The following GAS7 variants were observed in gnomAD, a reference collection of about 807,000 sequenced individuals.
The protein encoded by GAS7 is growth arrest specific 7, also known as growth arrest-specific protein 7.
GAS7 carries 28 observed loss-of-function variants against 71.1 expected under a neutral mutation model. The observed-to-expected ratio is 0.39, with a 90% CI of 0.29 to 0.54. The LOEUF is 0.54. Ranked by LOEUF, GAS7 falls within the 20% of genes least tolerant of loss-of-function variation. The pLI, the probability that GAS7 is intolerant of heterozygous loss-of-function variation, is 0.62. For missense variants in GAS7, 436 were observed against 627.8 expected, an observed-to-expected ratio of 0.69 and a Z score of 3.27; for synonymous variants, 258 against 245.8, an observed-to-expected ratio of 1.05 and a Z score of -0.46.
At chr17:9,953,317 G>A (rs1211271072) in intron 5 of GAS7, among the ~76,000 whole-genome samples, 1 of 152,144 alleles carries the variant, frequency 6.6e-6, no homozygotes, top group Non-Finnish European at 1.5e-5. Flanking sequence ...TCACCCTGCT[G>A]CTTCTGCCAC....
intron 2 of GAS7, among the ~76,000 whole-genome samples, chr17:9,982,857 GAAA>G (rs745327706): frequency 6.7e-6 from 1 of 149,682 alleles, no homozygotes; most frequent in Non-Finnish European, 1.5e-5. Flanking sequence ...AAGAAAGAAA[GAAA>G]GAAAGAAAGC....
intron 1 of GAS7, among the ~76,000 whole-genome samples, chr17:10,091,044 C>T (rs2073576801): frequency 6.6e-6 from 1 of 152,140 alleles, no homozygotes; most frequent in African/African-American, 2.4e-5. Context: ...TCTCCTCCAC[C>T]CCTACCAAGG....
rs1431647720 is a variant in GAS7, at chr17:10,103,572, T to C, written c.184-83675A>G. ...CAGGCGCGATGGCTCCCACCTGTAA[T>C]CCCAGCACTTTGGGAGGCCGAGGTG... is the stretch of plus-strand genomic sequence containing the variant. On this transcript the variant is annotated intron_variant, in intron 1 of 13. Transcript: ENST00000432992. The surrounding 1 kb of genome is among the most constrained non-coding windows in gnomAD (Gnocchi z 5.5). Among the ~76,000 whole-genome samples the C allele has an allele frequency of 2.0e-5, 3 of 152,028 alleles. No individual in the cohort carries two copies. The highest frequency in any genetic ancestry group is 4.4e-5 in the Non-Finnish European group (3 of 68,020).
In GAS7 at chr17:10,037,233, T is replaced by C. The variant is rs114445441; in HGVS notation, c.184-17336A>G. ...GGCCTGAGGATCACAAAGTCATTAG[T>C]TACAAGTGGAGAAAGGATTGGACCC... On this transcript the variant is annotated intron_variant, in intron 1 of 13. Transcript: ENST00000432992. Among the ~76,000 whole-genome samples, 684 of 152,286 alleles carry C rather than the reference T, an allele frequency of 4.5e-3. 4 individuals are homozygous for C. Among genetic ancestry groups the C allele is most frequent in the African/African-American group, 0.016 (647 of 41,554 alleles).
At chr17:10,032,537 C>T (rs1383034866) in intron 1 of GAS7, among the ~76,000 whole-genome samples, 1 of 152,178 alleles carries the variant, frequency 6.6e-6, no homozygotes, top group Admixed American at 6.5e-5. Flanking sequence ...CCTCTGTTTC[C>T]TCATCTGTGA....
intron 1 of GAS7, among the ~76,000 whole-genome samples, chr17:10,067,684 A>G (rs774128677): frequency 2.6e-5 from 4 of 152,106 alleles, no homozygotes; most frequent in African/African-American, 9.7e-5. Flanking sequence ...CAAGCTAGGA[A>G]TGTCTGCAAA....
intron 5 of GAS7, 92 bp from the exon 6 acceptor site, chr17:9,947,075 C>G: frequency 1.3e-6 from 1 of 795,536 alleles, no homozygotes; most frequent in Non-Finnish European, 2.1e-6. Context: ...ACTGGAGCAG[C>G]CTCCCTATTG....
chr17:9,974,880 A>T lies in GAS7; in HGVS notation c.386-5118T>A, dbSNP rs1206703042. 6.6e-6 allele frequency among the ~76,000 whole-genome samples: 1 copy of T among 152,128 alleles called. No individual in the cohort carries two copies. Among genetic ancestry groups the T allele is most frequent in the Non-Finnish European group, 1.5e-5 (1 of 68,020 alleles). ...CACAGCTCGGCTTCCATATCTCAGTACCGATCCCTGAGGGAAAAAGTCGCA... is the reference window on the plus strand; with the variant it reads ...CACAGCTCGGCTTCCATATCTCAGTTCCGATCCCTGAGGGAAAAAGTCGCA... On this transcript the variant is annotated intron_variant, in intron 3 of 13. Transcript: ENST00000432992. The surrounding 1 kb of genome is among the most constrained non-coding windows in gnomAD (Gnocchi z 4.0).
chr17:10,091,333 A>C (rs1397854208), intron 1 of GAS7, among the ~76,000 whole-genome samples: 1 of 152,106 alleles, frequency 6.6e-6, no homozygotes, highest in Non-Finnish European at 1.5e-5. Context: ...GTTGTACAAC[A>C]TTGTGAATGT....
intron 1 of GAS7, among the ~76,000 whole-genome samples, chr17:10,133,983 G>A (rs767990765): frequency 1.2e-3 from 180 of 152,140 alleles, no homozygotes; most frequent in Non-Finnish European, 9.6e-4. Flanking sequence ...TTTTCTTTGA[G>A]CATCATGACA....
intron 4 of GAS7, among the ~76,000 whole-genome samples, chr17:9,968,787 C>T (rs2069829655): frequency 6.6e-6 from 1 of 152,212 alleles, no homozygotes; most frequent in South Asian, 2.1e-4. Flanking sequence ...ATAGAATCCA[C>T]TGCACACGCA....
chr17:10,122,082 CCATCAT>C (rs1333435554), intron 1 of GAS7, among the ~76,000 whole-genome samples: 1 of 152,180 alleles, frequency 6.6e-6, no homozygotes, highest in Non-Finnish European at 1.5e-5. Flanking sequence ...AGCATCAGCA[CCATCAT>C]CAACGAGATG....
At chr17:10,117,234 A>G (rs1158550667) in intron 1 of GAS7, among the ~76,000 whole-genome samples, 1 of 151,758 alleles carries the variant, frequency 6.6e-6, no homozygotes, top group African/African-American at 2.4e-5. Context: ...TTCCAACATC[A>G]CATCTCCTAA....
chr17:10,161,132 T>C (rs1340516014), intron 1 of GAS7, among the ~76,000 whole-genome samples: 2 of 152,204 alleles, frequency 1.3e-5, no homozygotes, highest in Non-Finnish European at 1.5e-5. Context: ...GCTAGCTTCA[T>C]TCTCAGGTGC....
At chr17:9,932,226 C>T (rs1450214001) in intron 9 of GAS7, among the ~76,000 whole-genome samples, 2 of 131,854 alleles carry the variant, frequency 1.5e-5, no homozygotes, top group African/African-American at 5.6e-5. Context: ...GACAGAGTCT[C>T]ACTCTGTTGC....
At position 10,026,308 on chromosome 17, in the gene GAS7, T is replaced by A; in HGVS notation, c.184-6411A>T. On this transcript the variant is annotated intron_variant, in intron 1 of 13. Coordinates refer to ENST00000432992, the MANE Select transcript of GAS7 (RefSeq NM_201433.2). This position sits in a 1 kb window ranked among gnomAD's most constrained non-coding sequence, Gnocchi z 4.5. ...AATAGGAGCTCTAAAGAAAAGCATA[T>A]CCACAGGGCCCCACACCCCCACTCC... 1 of 984,738 alleles carries A rather than the reference T, an allele frequency of 1.0e-6. No individual in the cohort carries two copies. Among genetic ancestry groups the A allele is most frequent in the Non-Finnish European group, 1.2e-6 (1 of 829,628 alleles). 61.0% of individuals were successfully genotyped at this position (984,738 alleles called of 1,614,324 possible).
intron 1 of GAS7, among the ~76,000 whole-genome samples, chr17:10,073,629 C>T (rs144337500): frequency 1.3e-4 from 20 of 152,278 alleles, no homozygotes; most frequent in Non-Finnish European, 2.5e-4. Context: ...TCAGGTGAAT[C>T]GTGCGCACAT....
chr17:10,089,566 T>A (rs1223050636), intron 1 of GAS7, among the ~76,000 whole-genome samples: 2 of 152,176 alleles, frequency 1.3e-5, no homozygotes, highest in African/African-American at 4.8e-5. Flanking sequence ...ATAGTGCTGT[T>A]TATTTTAACC....
intron 1 of GAS7, among the ~76,000 whole-genome samples, chr17:10,108,181 A>G (rs1418164190): frequency 6.6e-6 from 1 of 152,246 alleles, no homozygotes; most frequent in African/African-American, 2.4e-5. Flanking sequence ...ACTTGCCTGA[A>G]GCATGCAGTT....
Sources: gnomAD v4.1 joint callset for allele counts (sites outside exome capture counted in the v4.1 genomes callset) on GRCh38, gnomAD v4.1.1 for gene constraint, Gnocchi (gnomAD v3.1) non-coding constraint, MANE v1.5 for transcripts, NCBI Gene and HGNC (gene_info 2026-07-23, HGNC 2026-07-21) for gene names.